The following GRIN2B variants were observed in gnomAD, a reference collection of about 807,000 sequenced individuals.
GRIN2B encodes the protein glutamate ionotropic receptor NMDA type subunit 2B.
In GRIN2B, 5 loss-of-function variants were observed where a neutral mutation model predicts 114.5. The ratio of observed to expected loss-of-function variants is 0.04; its 90% CI spans 0.02 to 0.09. The LOEUF (loss-of-function observed/expected upper bound fraction) is 0.09, where lower values mean the gene tolerates loss of function less well. GRIN2B is among the 10% of genes least tolerant of loss of function. The pLI, the probability that GRIN2B is intolerant of heterozygous loss-of-function variation, is 1.00. For missense variants in GRIN2B, 1,108 were observed against 1,943.5 expected, an observed-to-expected ratio of 0.57 and a Z score of 8.08; for synonymous variants, 787 against 745.1, an observed-to-expected ratio of 1.06 and a Z score of -0.92.
chr12:13,629,283 T>C (rs1181405922), intron 5 of GRIN2B, among the ~76,000 whole-genome samples: 1 of 152,236 alleles, frequency 6.6e-6, no homozygotes, highest in African/African-American at 2.4e-5. Context: ...TATTCTAGAC[T>C]ATAGGCTCCC....
chr12:13,622,672 C>T (rs1432442358), intron 5 of GRIN2B, among the ~76,000 whole-genome samples: 2 of 152,058 alleles, frequency 1.3e-5, no homozygotes, highest in African/African-American at 2.4e-5. Flanking sequence ...AAGGTGCTGG[C>T]ATCTGGCAAG....
At position 13,563,439 on chromosome 12, in the gene GRIN2B, C is replaced by A. The variant is rs141844705; in HGVS notation, c.3799G>T (p.Ala1267Ser). The A allele has an allele frequency of 4.6e-4, 742 of 1,614,060 alleles. 1 individual carries two copies. Among genetic ancestry groups the A allele is most frequent in the Non-Finnish European group, 6.1e-4 (717 of 1,180,036 alleles). Residue 1267 changes from alanine to serine, a missense_variant, in exon 14 of 14, where the codon GCT (alanine) becomes TCT (serine). Ala to Ser is a moderately conservative substitution (Grantham distance 99, BLOSUM62 1). Transcript: ENST00000609686. ...TTTGACGTCACCGCCACTGGGGCAG[C>A]CGGCTGGTCCAGTTCCTGCAGGGAG... ...DNSLQELDQPAAPVAVTSNAS... is the reference protein window; with the variant it reads ...DNSLQELDQPSAPVAVTSNAS...
At chr12:13,763,790 C>T (rs928697607) in intron 3 of GRIN2B, among the ~76,000 whole-genome samples, 1 of 152,218 alleles carries the variant, frequency 6.6e-6, no homozygotes, top group African/African-American at 2.4e-5. Flanking sequence ...CTCCCTAGAC[C>T]TTGGCCTGCA....
intron 2 of GRIN2B, among the ~76,000 whole-genome samples, chr12:13,889,602 A>G (rs1157221444): frequency 6.6e-6 from 1 of 152,194 alleles, no homozygotes; most frequent in Non-Finnish European, 1.5e-5. Flanking sequence ...ACTACCTTAA[A>G]ATGAATAAAA....
intron 10 of GRIN2B, among the ~76,000 whole-genome samples, chr12:13,576,982 C>T (rs1054892081): frequency 9.2e-5 from 14 of 152,156 alleles, no homozygotes; most frequent in African/African-American, 3.1e-4. Flanking sequence ...AGGACAGGCC[C>T]CATTTCATAG....
intron 4 of GRIN2B, among the ~76,000 whole-genome samples, chr12:13,743,336 TA>T (rs985603589): frequency 3.9e-5 from 6 of 152,026 alleles, no homozygotes; most frequent in Non-Finnish European, 8.8e-5. Context: ...GTCCTTTAGG[TA>T]AAAAAGCCAA....
In GRIN2B at chr12:13,709,450, G is replaced by A. The variant is rs112493028; in HGVS notation, c.1011-33591C>T. 3.3e-3 allele frequency among the ~76,000 whole-genome samples: 501 copies of A among 151,954 alleles called. 6 individuals are homozygous for A. The highest frequency in any genetic ancestry group is 0.011 in the African/African-American group (467 of 41,496). On this transcript the variant is annotated intron_variant, in intron 4 of 13. Transcript: ENST00000609686. ...AACATGCTTTCAACAAGTTAAAATC[G>A]AAAGCGTCAGCAAAGACACAGAAGA...
intron 4 of GRIN2B, among the ~76,000 whole-genome samples, chr12:13,748,504 G>A (rs1447500308): frequency 6.6e-6 from 1 of 152,206 alleles, no homozygotes; most frequent in Non-Finnish European, 1.5e-5. Flanking sequence ...TCAGGGGAAT[G>A]AAGATGGGTT....
At chr12:13,599,261 A>C (rs1416080055) in intron 10 of GRIN2B, among the ~76,000 whole-genome samples, 4 of 152,292 alleles carry the variant, frequency 2.6e-5, no homozygotes, top group African/African-American at 7.2e-5. Context: ...AGGGAGTCTC[A>C]GGCCCCCATC....
chr12:13,753,208 C>A lies in GRIN2B; in HGVS notation c.1010+109G>T. 1.2e-6 allele frequency: 1 copy of A among 808,708 alleles called. No homozygotes were observed. 50.1% of individuals were successfully genotyped at this position (808,708 alleles called of 1,614,324 possible). ...TGCCATGCCCAAGGCCAGGCTTCAA[C>A]CTGCTACCGTCTTGAACTGTTCTTC... On this transcript the variant is annotated intron_variant, in intron 4 of 13. Transcript: ENST00000609686. This position sits in a 1 kb window ranked among gnomAD's most constrained non-coding sequence, Gnocchi z 6.2.
intron 3 of GRIN2B, among the ~76,000 whole-genome samples, chr12:13,848,842 G>A (rs2193510): frequency 1.8e-4 from 27 of 152,164 alleles, no homozygotes; most frequent in African/African-American, 5.1e-4. Context: ...AAAGCTGAAC[G>A]GTGTCCTTAT....
intron 2 of GRIN2B, among the ~76,000 whole-genome samples, chr12:13,910,040 A>G (rs551199057): frequency 3.3e-5 from 5 of 152,344 alleles, no homozygotes; most frequent in Admixed American, 1.3e-4. Flanking sequence ...GGGCTTGACT[A>G]TGTTCAAAAG....
At position 13,537,468 on chromosome 12, in the gene GRIN2B, T is replaced by C. The variant is rs4764006; in HGVS notation, c.*25315A>G. On this transcript the variant is annotated 3_prime_UTR_variant, in exon 14 of 14. Coordinates refer to ENST00000609686, the MANE Select transcript of GRIN2B (RefSeq NM_000834.5). Reference sequence around the variant, plus strand: ...CGAGGCTGTAATCATAAAATGGTGCTTCCGTTATGTCCATTCTTCAGCTCC... The same window carrying C: ...CGAGGCTGTAATCATAAAATGGTGCCTCCGTTATGTCCATTCTTCAGCTCC... 133,607 of 152,106 alleles carry C rather than the reference T, an allele frequency of 0.88. 61,325 individuals carry two copies. The highest frequency in any genetic ancestry group is 1 in the East Asian group (5,144 of 5,144). 9.4% of individuals were successfully genotyped at this position (152,106 alleles called of 1,614,324 possible).
chr12:13,720,471 GT>G (rs1235445700), intron 4 of GRIN2B, among the ~76,000 whole-genome samples: 3 of 152,068 alleles, frequency 2.0e-5, no homozygotes, highest in African/African-American at 7.2e-5. Context: ...CTTTGTGACT[GT>G]TCACCAACAG....
intron 5 of GRIN2B, among the ~76,000 whole-genome samples, chr12:13,665,155 G>T (rs1949961453): frequency 1.9e-5 from 1 of 53,896 alleles, no homozygotes; most frequent in African/African-American, 5.7e-5. Context: ...GTTTGTGTGT[G>T]TGTGTGTGTG....
chr12:13,808,684 T>G (rs220586), intron 3 of GRIN2B, among the ~76,000 whole-genome samples: 116,169 of 148,914 alleles, frequency 0.78, 45,494 homozygotes, highest in Middle Eastern at 0.84. Flanking sequence ...CATGGTACAT[T>G]TATACATATG....
At position 13,547,811 on chromosome 12, in the gene GRIN2B, G is replaced by A. The variant is rs1948361610; in HGVS notation, c.*14972C>T. On this transcript the variant is annotated 3_prime_UTR_variant, in exon 14 of 14. Transcript: ENST00000609686. ...GTTATTGGGCATCTGCATTTTCCCA[G>A]GAGACTTCTCTCCACATTGTCGCAG... 1 of 151,614 alleles carries A rather than the reference G, an allele frequency of 6.6e-6. No individual in the cohort carries two copies. Among genetic ancestry groups the A allele is most frequent in the Admixed American group, 6.6e-5 (1 of 15,216 alleles). The allele number at this position is 151,614 out of a possible 1,614,324, so 9.4% of individuals were successfully genotyped here.
intron 3 of GRIN2B, among the ~76,000 whole-genome samples, chr12:13,825,073 C>T (rs147782474): frequency 6.6e-6 from 1 of 151,994 alleles, no homozygotes; most frequent in African/African-American, 2.4e-5. Context: ...TTATAAATGT[C>T]CCTTGAAGCG....
At chr12:13,935,932 A>G (rs1356712809) in intron 2 of GRIN2B, among the ~76,000 whole-genome samples, 1 of 152,196 alleles carries the variant, frequency 6.6e-6, no homozygotes, top group Admixed American at 6.6e-5. Flanking sequence ...GCCCATAATC[A>G]TCCTGGCTTT....
Sources: gnomAD v4.1 joint callset for allele counts (sites outside exome capture counted in the v4.1 genomes callset) on GRCh38, gnomAD v4.1.1 for gene constraint, Gnocchi (gnomAD v3.1) non-coding constraint, MANE v1.5 for transcripts, NCBI Gene and HGNC (gene_info 2026-07-23, HGNC 2026-07-21) for gene names.